Variants in L3MBTL3 observed in about 807,000 individuals in gnomAD.
The protein encoded by L3MBTL3 is lethal(3)malignant brain tumor-like protein 3.
Under a neutral mutation model 102.3 loss-of-function variants are expected in L3MBTL3, and 27 were observed. That is an observed-to-expected ratio of 0.26 (90% CI 0.19 to 0.36). The LOEUF is 0.36. L3MBTL3 is among the 10% of genes least tolerant of loss of function. The pLI is 1.00. For synonymous variants in L3MBTL3, 340 were observed against 320.9 expected (o/e 1.06, Z -0.64); for missense variants, 798 against 955.3 (o/e 0.84, Z 2.17).
In L3MBTL3 at chr6:130,140,946, T is replaced by C. The variant is rs1344456982; in HGVS notation, c.*1193T>C. On this transcript the variant is annotated 3_prime_UTR_variant, in exon 23 of 23. Coordinates refer to ENST00000361794, the MANE Select transcript of L3MBTL3 (RefSeq NM_032438.4). ...GGATTCCTTTTTCTGTAGAATACTT[T>C]GCCTCGATATATAAGCATACAGATG... 6.6e-6 allele frequency: 1 copy of C among 152,646 alleles called. No homozygotes were observed. The highest frequency in any genetic ancestry group is 1.5e-5 in the Non-Finnish European group (1 of 68,046). 9.5% of individuals were successfully genotyped at this position (152,646 alleles called of 1,614,324 possible).
rs945930355 is a variant in L3MBTL3 at position 130,140,357 on chromosome 6, T to C, written c.*604T>C. The C allele has an allele frequency of 3.3e-5, 5 of 152,634 alleles. No homozygotes were observed. The highest frequency in any genetic ancestry group is 7.3e-5 in the Non-Finnish European group (5 of 68,030). The allele number at this position is 152,634 out of a possible 1,614,324, so 9.5% of individuals were successfully genotyped here. A position where few individuals can be genotyped will look rare whatever the true frequency, so the allele number is the denominator to read the frequency against. On this transcript the variant is annotated 3_prime_UTR_variant, in exon 23 of 23. Coordinates refer to ENST00000361794, the MANE Select transcript of L3MBTL3 (RefSeq NM_032438.4). Reference sequence around the variant, plus strand: ...GTTGTAAGAATGACTTTTCTTTGAATCAGTATTTTTCCTTTTGCACGCATT... The same window carrying C: ...GTTGTAAGAATGACTTTTCTTTGAACCAGTATTTTTCCTTTTGCACGCATT...
At chr6:130,041,835 C>T (rs1397715099) in intron 2 of L3MBTL3, among the ~76,000 whole-genome samples, 1 of 152,162 alleles carries the variant, frequency 6.6e-6, no homozygotes, top group African/African-American at 2.4e-5. Context: ...TCAGCTTCTT[C>T]TATGGGGAGA....
At chr6:130,025,086 C>T (rs1779258040) in intron 2 of L3MBTL3, among the ~76,000 whole-genome samples, 1 of 152,062 alleles carries the variant, frequency 6.6e-6, no homozygotes, top group South Asian at 2.1e-4. Context: ...CTTTCTTTGA[C>T]CAGTGTGTTC....
chr6:130,035,057 G>T (rs778258195), intron 2 of L3MBTL3, among the ~76,000 whole-genome samples: 1 of 151,992 alleles, frequency 6.6e-6, no homozygotes, highest in African/African-American at 2.4e-5. Context: ...TTCAGTTGTT[G>T]GCATTAATAA....
intron 2 of L3MBTL3, among the ~76,000 whole-genome samples, chr6:130,025,082 T>C (rs1260153024): frequency 6.6e-6 from 1 of 152,244 alleles, no homozygotes; most frequent in Non-Finnish European, 1.5e-5. Flanking sequence ...GATTCTTTCT[T>C]TGACCAGTGT....
intron 16 of L3MBTL3, among the ~76,000 whole-genome samples, chr6:130,089,314 G>A (rs1783889979): frequency 6.6e-6 from 1 of 150,618 alleles, no homozygotes; most frequent in African/African-American, 2.4e-5. Flanking sequence ...AGAACATGCA[G>A]TGTTTGATTT....
At chr6:130,134,398 AATAAG>A (rs1787392535) in intron 22 of L3MBTL3, among the ~76,000 whole-genome samples, 2 of 152,214 alleles carry the variant, frequency 1.3e-5, no homozygotes, top group South Asian at 4.1e-4. Context: ...TAATGTTTAT[AATAAG>A]ATATTTATCA....
Position 130,096,614 on chromosome 6 carries a change from T to C in L3MBTL3, c.1736+2247T>C, listed in dbSNP as rs1784379898. ...TTCACAGCAAGGCCCGTGGTGACAG[T>C]TGTGTCCCCTCCCTGATGGCCCAGC... On this transcript the variant is annotated intron_variant, in intron 18 of 22. Coordinates refer to ENST00000361794, the MANE Select transcript of L3MBTL3 (RefSeq NM_032438.4). 2.6e-5 allele frequency among the ~76,000 whole-genome samples: 4 copies of C among 152,314 alleles called. No homozygotes were observed. In the South Asian group the frequency reaches 8.3e-4, roughly 32 times the overall value.
chr6:130,031,808 A>G, intron 2 of L3MBTL3, among the ~76,000 whole-genome samples: 1 of 152,108 alleles, frequency 6.6e-6, no homozygotes, highest in Non-Finnish European at 1.5e-5. Context: ...GGTGCCATGT[A>G]AATATGAGGA....
At chr6:130,043,972 G>C (rs1009689809) in intron 3 of L3MBTL3, among the ~76,000 whole-genome samples, 3 of 152,208 alleles carry the variant, frequency 2.0e-5, no homozygotes, top group African/African-American at 7.2e-5. Context: ...CCTTGAAAAA[G>C]CCAGTTAATC....
chr6:130,067,051 T>C (rs1782304589), intron 11 of L3MBTL3, among the ~76,000 whole-genome samples: 1 of 152,200 alleles, frequency 6.6e-6, no homozygotes, highest in Non-Finnish European at 1.5e-5. Context: ...GATTTTCCTA[T>C]TTCATGTTTA....
intron 2 of L3MBTL3, among the ~76,000 whole-genome samples, chr6:130,034,998 A>G (rs145162537): frequency 6.6e-6 from 1 of 152,350 alleles, no homozygotes; most frequent in Non-Finnish European, 1.5e-5. Context: ...TTAAGTTACC[A>G]GAGAGCTTTG....
At chr6:130,075,907 TC>T (rs1782922921) in intron 13 of L3MBTL3, among the ~76,000 whole-genome samples, 1 of 152,210 alleles carries the variant, frequency 6.6e-6, no homozygotes, top group South Asian at 2.1e-4. Context: ...CTTTATCTCT[TC>T]CAAGTATTCG....
At chr6:130,091,120 A>G (rs1020876942) in intron 16 of L3MBTL3, among the ~76,000 whole-genome samples, 1 of 152,110 alleles carries the variant, frequency 6.6e-6, no homozygotes, top group African/African-American at 2.4e-5. Context: ...CTGAAGCTTT[A>G]AATTTTCATG....
chr6:130,036,850 A>G (rs138830411), intron 2 of L3MBTL3, among the ~76,000 whole-genome samples: 2 of 152,326 alleles, frequency 1.3e-5, no homozygotes, highest in Non-Finnish European at 1.5e-5. Context: ...TGGTGAAAGT[A>G]GATTTTGCCA....
At chr6:130,109,290 C>A (rs764533670) in intron 19 of L3MBTL3, among the ~76,000 whole-genome samples, 1 of 152,192 alleles carries the variant, frequency 6.6e-6, no homozygotes, top group African/African-American at 2.4e-5. Context: ...ACAGTGTCTT[C>A]TATAATGATT....
intron 18 of L3MBTL3, among the ~76,000 whole-genome samples, chr6:130,099,950 T>A (rs757083639): frequency 6.6e-6 from 1 of 152,170 alleles, no homozygotes; most frequent in Non-Finnish European, 1.5e-5. Context: ...GGCAGTGGCA[T>A]CTTGCTAGAA....
In L3MBTL3 at chr6:130,094,314, G is replaced by A. The variant is rs1034793972; in HGVS notation, c.1683G>A (p.Pro561=). The A allele has an allele frequency of 1.5e-5, 25 of 1,613,668 alleles. No individual in the cohort carries two copies. The highest frequency in any genetic ancestry group is 1.9e-5 in the Non-Finnish European group (23 of 1,179,832). ...EASEHGGCST[P]GCKGIGHFKR... ...CAGAACATGGTGGATGCTCAACCCC[G>A]GGATGTAAAGGGATTGGCCATTTCA... Residue 561 remains proline (P), a synonymous_variant, in exon 18 of 23, where the codon CCG becomes CCA. Transcript: ENST00000361794.
intron 18 of L3MBTL3, among the ~76,000 whole-genome samples, chr6:130,098,653 C>T (rs998843715): frequency 6.6e-6 from 1 of 152,134 alleles, no homozygotes; most frequent in Admixed American, 6.6e-5. Flanking sequence ...TTGGTCCTCA[C>T]AGGAGCTCTG....
Sources: gnomAD v4.1 joint callset for allele counts (sites outside exome capture counted in the v4.1 genomes callset) on GRCh38, gnomAD v4.1.1 for gene constraint, MANE v1.5 for transcripts, NCBI Gene and HGNC (gene_info 2026-07-23, HGNC 2026-07-21) for gene names.